Variants in GALNT13 observed in about 807,000 individuals in gnomAD.
GALNT13 encodes the protein UDP-GalNAc:polypeptide N-acetylgalactosaminyltransferase 13.
A neutral mutation model predicts 64.2 loss-of-function variants in GALNT13; 28 were observed. The observed-to-expected ratio is 0.44, with a 90% CI of 0.32 to 0.60. GALNT13 has a LOEUF of 0.60. GALNT13 is among the 20% of genes least tolerant of loss of function. GALNT13 has a pLI of 0.05. For missense variants in GALNT13, 577 were observed against 669.8 expected (o/e 0.86, Z 1.53); for synonymous variants, 214 against 224.6 (o/e 0.95, Z 0.42).
the GALNT13 span, among the ~76,000 whole-genome samples, chr2:153,603,957 G>A: frequency 6.6e-6 from 1 of 151,970 alleles, no homozygotes; most frequent in Non-Finnish European, 1.5e-5. Flanking sequence ...TGTTAGGAGA[G>A]CTTCTCCTTT....
the GALNT13 span, among the ~76,000 whole-genome samples, chr2:153,509,150 T>C: frequency 1.3e-5 from 2 of 152,136 alleles, no homozygotes; most frequent in African/African-American, 4.8e-5. Context: ...GCGGGCGCTG[T>C]GTGTGGGGAG....
chr2:153,760,140 T>G, the GALNT13 span, among the ~76,000 whole-genome samples: 1 of 151,916 alleles, frequency 6.6e-6, no homozygotes, highest in Non-Finnish European at 1.5e-5. Flanking sequence ...ATTTTTCTCT[T>G]TTTTCTGACT....
the GALNT13 span, among the ~76,000 whole-genome samples, chr2:153,176,333 C>A: frequency 6.6e-6 from 1 of 152,022 alleles, no homozygotes; most frequent in Non-Finnish European, 1.5e-5. Context: ...CATTGTCTAG[C>A]ATACAATGAA....
the GALNT13 span, among the ~76,000 whole-genome samples, chr2:153,209,068 T>C: frequency 7.2e-6 from 1 of 139,728 alleles, no homozygotes; most frequent in African/African-American, 2.6e-5. Context: ...AAACTCTGCC[T>C]CCCGGTTCAC....
At chr2:153,847,176 T>G in the GALNT13 span, among the ~76,000 whole-genome samples, 2 of 152,112 alleles carry the variant, frequency 1.3e-5, no homozygotes, top group East Asian at 3.9e-4. Flanking sequence ...CAAAGGGGTC[T>G]GTTTATCAGG....
the GALNT13 span, among the ~76,000 whole-genome samples, chr2:153,523,262 C>T: frequency 6.6e-6 from 1 of 152,170 alleles, no homozygotes; most frequent in East Asian, 1.9e-4. Flanking sequence ...AATATCAATA[C>T]TCCAACTTTG....
the GALNT13 span, among the ~76,000 whole-genome samples, chr2:153,360,046 A>G: frequency 6.6e-6 from 1 of 152,204 alleles, no homozygotes; most frequent in Non-Finnish European, 1.5e-5. Flanking sequence ...GCTCCCATCC[A>G]AAAGAACCAA....
At chr2:153,566,698 C>T in the GALNT13 span, among the ~76,000 whole-genome samples, 1 of 152,148 alleles carries the variant, frequency 6.6e-6, no homozygotes. Flanking sequence ...TTAAGTCACT[C>T]ATTCAAAGTA....
chr2:153,491,970 T>C, the GALNT13 span, among the ~76,000 whole-genome samples: 1 of 152,138 alleles, frequency 6.6e-6, no homozygotes. Context: ...AGCATTTTGT[T>C]AAATACAGAG....
At chr2:153,280,615 G>T in the GALNT13 span, among the ~76,000 whole-genome samples, 12 of 151,786 alleles carry the variant, frequency 7.9e-5, no homozygotes, top group African/African-American at 2.7e-4. Context: ...TAATTTTGTT[G>T]TTCACCCAAA....
At chr2:153,942,340 T>C (rs1309805440) in intron 2 of GALNT13, among the ~76,000 whole-genome samples, 1 of 152,106 alleles carries the variant, frequency 6.6e-6, no homozygotes. Context: ...CCTTATAAAC[T>C]TGGGAATGGC....
intron 10 of GALNT13, among the ~76,000 whole-genome samples, chr2:154,396,821 C>A (rs941666032): frequency 4.6e-5 from 7 of 151,826 alleles, no homozygotes; most frequent in Non-Finnish European, 8.8e-5. Context: ...ACTCTGAGAA[C>A]CATTGATCTG....
chr2:153,348,781 A>G, the GALNT13 span, among the ~76,000 whole-genome samples: 1 of 152,138 alleles, frequency 6.6e-6, no homozygotes, highest in Non-Finnish European at 1.5e-5. Context: ...TAATTTCTGA[A>G]CGAATCACTA....
intron 4 of GALNT13, among the ~76,000 whole-genome samples, chr2:154,162,803 G>A (rs1684810538): frequency 1.3e-5 from 2 of 152,034 alleles, no homozygotes; most frequent in South Asian, 4.1e-4. Flanking sequence ...GTACTAACTA[G>A]AGTGTTAGTT....
the GALNT13 span, among the ~76,000 whole-genome samples, chr2:153,396,844 T>C: frequency 6.6e-6 from 1 of 152,174 alleles, no homozygotes; most frequent in Non-Finnish European, 1.5e-5. Context: ...ATTCCCTCTT[T>C]CTTGTTGACC....
chr2:154,224,926 A>G (rs1199615160), intron 4 of GALNT13, among the ~76,000 whole-genome samples: 2 of 152,280 alleles, frequency 1.3e-5, no homozygotes, highest in Non-Finnish European at 2.9e-5. Context: ...AAATGAAAAG[A>G]CAAACGTCAA....
chr2:153,460,362 A>T, the GALNT13 span, among the ~76,000 whole-genome samples: 1 of 152,100 alleles, frequency 6.6e-6, no homozygotes, highest in Non-Finnish European at 1.5e-5. Context: ...ACTCATACTG[A>T]TAAATGTATA....
chr2:153,187,280 G>A, the GALNT13 span, among the ~76,000 whole-genome samples: 1 of 152,170 alleles, frequency 6.6e-6, no homozygotes, highest in Non-Finnish European at 1.5e-5. Flanking sequence ...AATGAGACTG[G>A]AGTGGGCTTC....
intron 3 of GALNT13, among the ~76,000 whole-genome samples, chr2:154,018,949 G>A (rs563445181): frequency 2.6e-5 from 4 of 151,890 alleles, no homozygotes; most frequent in Admixed American, 6.6e-5. Context: ...AGGGAATAGA[G>A]AGAAATAACA....
Sources: gnomAD v4.1 joint callset for allele counts (sites outside exome capture counted in the v4.1 genomes callset) on GRCh38, gnomAD v4.1.1 for gene constraint, MANE v1.5 for transcripts, NCBI Gene and HGNC (gene_info 2026-07-23, HGNC 2026-07-21) for gene names.